Variants in VPS26C observed in about 807,000 individuals in gnomAD.
VPS26C encodes vacuolar protein sorting-associated protein 26C.
VPS26C carries 19 observed loss-of-function variants against 30.6 expected under a neutral mutation model. The observed-to-expected ratio is 0.62, with a 90% CI of 0.43 to 0.91. VPS26C has a LOEUF of 0.91. Ranked by LOEUF, VPS26C falls within the 40% of genes least tolerant of loss-of-function variation. VPS26C has a pLI of 0.00. For synonymous variants in VPS26C, 132 were observed against 151.5 expected (o/e 0.87, Z 0.95); for missense variants, 318 against 385.1 (o/e 0.83, Z 1.46).
At chr21:37,264,107 A>AC (rs1369057685) in intron 1 of VPS26C, among the ~76,000 whole-genome samples, 1 of 152,250 alleles carries the variant, frequency 6.6e-6, no homozygotes, top group African/African-American at 2.4e-5. Flanking sequence ...TCATGGGCAC[A>AC]CATGTCAGAG....
chr21:37,235,851 GTATATA>G (rs146084592), intron 3 of VPS26C, among the ~76,000 whole-genome samples: 7,521 of 55,032 alleles, frequency 0.14, 271 homozygotes, highest in East Asian at 0.38. Flanking sequence ...ATATGTGTGT[GTATATA>G]TATATATATA....
rs2085925995 is a variant in VPS26C, at chr21:37,228,338, A to G, written c.543T>C (p.His181=). ...TGATGACACAGTTTGTTGAGTTGAG[A>G]TGTCCTCGAAGGAGAAATTTGGGAA... ...ALLPKFLLRG[H]LNSTNCVITQ... The change falls in exon 6 of 8, where the codon CAT becomes CAC. Residue 181 remains histidine, a synonymous_variant. Transcript: ENST00000309117. 1 of 1,614,220 alleles carries G rather than the reference A, an allele frequency of 6.2e-7. No homozygotes were observed. The highest frequency in any genetic ancestry group is 1.3e-5 in the African/African-American group (1 of 75,058).
upstream of VPS26C, chr21:37,268,025 C>A (rs2086389737): frequency 6.6e-6 from 1 of 152,332 alleles, no homozygotes; most frequent in African/African-American, 2.4e-5. Context: ...GCCAGCTGGG[C>A]CTAGGGCCAA....
At chr21:37,239,175 C>T (rs1162380524) in intron 2 of VPS26C, among the ~76,000 whole-genome samples, 1 of 152,218 alleles carries the variant, frequency 6.6e-6, no homozygotes, top group Non-Finnish European at 1.5e-5. Context: ...TGGAACCTGC[C>T]TTCAAGGCAC....
At chr21:37,248,468 C>T (rs752651411) in intron 1 of VPS26C, among the ~76,000 whole-genome samples, 50 of 152,024 alleles carry the variant, frequency 3.3e-4, no homozygotes, top group Non-Finnish European at 2.4e-4. Flanking sequence ...TAATATTCAA[C>T]ACTATTCAAC....
At chr21:37,234,215 C>G (rs1161043188) in intron 3 of VPS26C, among the ~76,000 whole-genome samples, 1 of 152,224 alleles carries the variant, frequency 6.6e-6, no homozygotes, top group South Asian at 2.1e-4. Context: ...TCTTATTTCT[C>G]GAGACATCTG....
Position 37,233,506 on chromosome 21 carries a change from T to TA in VPS26C, c.352-65dup. ...GGGATTTGCTTTCATCTTGGAATTA[T>TA]ATTCAAAGAGACAAGTCAGTCAACA... is the stretch of plus-strand genomic sequence containing the variant. On this transcript the variant is annotated intron_variant, in intron 3 of 7. Transcript: ENST00000309117. This position sits in a 1 kb window ranked among gnomAD's most constrained non-coding sequence, Gnocchi z 5.2. The TA allele has an allele frequency of 6.8e-6, 8 of 1,182,882 alleles. No individual in the cohort carries two copies. Among genetic ancestry groups the TA allele is most frequent in the Non-Finnish European group, 8.9e-6 (7 of 789,258 alleles). 73.3% of individuals were successfully genotyped at this position (1,182,882 alleles called of 1,614,324 possible).
intron 5 of VPS26C, chr21:37,231,847 G>C (rs974822281): frequency 1.9e-5 from 3 of 154,102 alleles, no homozygotes; most frequent in African/African-American, 7.2e-5. Flanking sequence ...AGGCGGGGGA[G>C]CTGGGCTGGC....
At chr21:37,263,794 T>A (rs2086329271) in intron 1 of VPS26C, among the ~76,000 whole-genome samples, 1 of 152,156 alleles carries the variant, frequency 6.6e-6, no homozygotes, top group South Asian at 2.1e-4. Flanking sequence ...CATAGGTAAG[T>A]CAAATCTTTG....
chr21:37,228,889 T>C (rs574978905), intron 5 of VPS26C: 1 of 153,768 alleles, frequency 6.5e-6, no homozygotes, highest in South Asian at 2.0e-4. Context: ...AAAAATTAGC[T>C]GGGCAGGCTG....
At position 37,225,494 on chromosome 21, in the gene VPS26C, G is replaced by A; in HGVS notation, c.*50C>T. The A allele has an allele frequency of 6.6e-7, 1 of 1,504,326 alleles. No homozygotes were observed. The highest frequency in any genetic ancestry group is 9.3e-7 in the Non-Finnish European group (1 of 1,080,248). 93.2% of individuals were successfully genotyped at this position (1,504,326 alleles called of 1,614,324 possible). A position where few individuals can be genotyped will look rare whatever the true frequency, so the allele number is the denominator to read the frequency against. On this transcript the variant is annotated 3_prime_UTR_variant, in exon 8 of 8. Coordinates refer to ENST00000309117, the MANE Select transcript of VPS26C (RefSeq NM_006052.2). ...GCTCCCCTTAGGATTTGGATAACCA[G>A]CTGGATTTCCAGATGGCCACTCCCG...
chr21:37,261,463 G>A (rs987641169), intron 1 of VPS26C: 1 of 151,946 alleles, frequency 6.6e-6, no homozygotes, highest in Non-Finnish European at 1.5e-5. Flanking sequence ...GTCTTTTCCT[G>A]ACAATTAGAC....
At chr21:37,235,879 A>ATATATATATATT (rs1555930580) in intron 3 of VPS26C, among the ~76,000 whole-genome samples, 2 of 111,294 alleles carry the variant, frequency 1.8e-5, no homozygotes, top group Non-Finnish European at 3.8e-5. Context: ...ATATATATAT[A>ATATATATATATT]TTTTTTTTTT....
intron 1 of VPS26C, 112 bp downstream of exon 1, chr21:37,267,126 G>T (rs979887426): frequency 1.0e-5 from 10 of 991,584 alleles, no homozygotes; most frequent in African/African-American, 1.6e-5. Context: ...CGCACCTGGC[G>T]GGACAGCCCT....
At chr21:37,229,591 T>A (rs1003217821) in intron 5 of VPS26C, 2 of 152,236 alleles carry the variant, frequency 1.3e-5, no homozygotes, top group African/African-American at 2.4e-5. Context: ...AACGAATATA[T>A]CAAAAGTGTT....
rs375746193 is a variant in VPS26C, at chr21:37,240,585, C to G, written c.112G>C (p.Gly38Arg). The G allele has an allele frequency of 2.5e-6, 4 of 1,614,106 alleles. No homozygotes were observed. The highest frequency in any genetic ancestry group is 3.4e-6 in the Non-Finnish European group (4 of 1,180,044). ...GTTCCTTCCATGGTCAAAGACACTC[C>G]CTGGTGTTGGACTGAATCCTTACTC... ...ISSKDSVQHQ[G>R]VSLTMEGTVN... The change falls in exon 2 of 8, where the codon GGA becomes CGA. Residue 38 changes from glycine (G) to arginine (R), a missense_variant. Transcript: ENST00000309117.
Position 37,240,492 on chromosome 21 carries a change from T to A in VPS26C, c.201+4A>T. On this transcript the variant is annotated splice_donor_region_variant and intron_variant, in intron 2 of 7. Coordinates refer to ENST00000309117, the MANE Select transcript of VPS26C (RefSeq NM_006052.2). ...AAACTTGCAATCTAAGCATTCTTTC[T>A]TACCTTAACAGAATTATAAAAAGCT... 1 of 1,613,754 alleles carries A rather than the reference T, an allele frequency of 6.2e-7. No homozygotes were observed.
chr21:37,231,615 G>A (rs141300828), intron 5 of VPS26C: 1 of 152,574 alleles, frequency 6.6e-6, no homozygotes, highest in East Asian at 1.9e-4. Flanking sequence ...CCAGACAGCA[G>A]AATAAAGAAT....
chr21:37,261,623 C>T (rs2086304747), intron 1 of VPS26C: 1 of 150,324 alleles, frequency 6.7e-6, no homozygotes, highest in Admixed American at 6.7e-5. Flanking sequence ...ATAACAGAAA[C>T]TGAAGCACAC....
Sources: allele counts gnomAD v4.1 joint callset (sites outside exome capture counted in the v4.1 genomes callset), GRCh38; gene constraint gnomAD v4.1.1; non-coding constraint Gnocchi (gnomAD v3.1); transcripts MANE v1.5; gene names NCBI Gene and HGNC (gene_info 2026-07-23, HGNC 2026-07-21).